LRRC49: variants seen among roughly 807,000 people sequenced by gnomAD.
LRRC49 encodes the protein leucine rich repeat containing 49.
LRRC49 carries 50 observed loss-of-function variants against 83.3 expected under a neutral mutation model. The observed-to-expected ratio is 0.60, with a 90% confidence interval of 0.48 to 0.76. The LOEUF is 0.76. Ranked by LOEUF, LRRC49 falls within the 30% of genes least tolerant of loss-of-function variation. The probability of loss-of-function intolerance (pLI) is 0.00; values close to 1 mark genes in which losing one functional copy is unlikely to be tolerated. For missense variants in LRRC49, 704 were observed against 809.1 expected (o/e 0.87, Z 1.58); for synonymous variants, 286 against 283.3 (o/e 1.01, Z -0.10).
At chr15:70,980,538 A>G (rs1215796820) in intron 10 of LRRC49, among the ~76,000 whole-genome samples, 1 of 149,500 alleles carries the variant, frequency 6.7e-6, no homozygotes, top group Non-Finnish European at 1.5e-5. Flanking sequence ...ATTGACTGTC[A>G]TCTTTACTGA....
intron 8 of LRRC49, among the ~76,000 whole-genome samples, chr15:70,953,894 T>TTTTA (rs1225643632): frequency 2.6e-5 from 4 of 152,048 alleles, no homozygotes; most frequent in Admixed American, 2.6e-4. Context: ...TATTTTTCAT[T>TTTTA]TTTATTTATT....
chr15:70,983,985 G>A, intron 10 of LRRC49, 109 bp from the exon 11 acceptor site: 3 of 763,460 alleles, frequency 3.9e-6, no homozygotes, highest in Non-Finnish European at 6.6e-6. Flanking sequence ...AAAGGAACAG[G>A]CTCCTTTTAA....
At chr15:71,014,603 A>G (rs1294007628) in intron 14 of LRRC49, among the ~76,000 whole-genome samples, 1 of 152,140 alleles carries the variant, frequency 6.6e-6, no homozygotes, top group African/African-American at 2.4e-5. Context: ...TGGGAAATAT[A>G]TAATGAACTA....
intron 13 of LRRC49, among the ~76,000 whole-genome samples, chr15:71,012,437 C>G (rs945931913): frequency 3.3e-5 from 5 of 151,892 alleles, no homozygotes; most frequent in African/African-American, 1.2e-4. Context: ...GAATCTATCC[C>G]ATTGATACTT....
At chr15:70,909,796 G>A (rs778391604) in intron 5 of LRRC49, among the ~76,000 whole-genome samples, 14 of 150,482 alleles carry the variant, frequency 9.3e-5, no homozygotes, top group South Asian at 8.4e-4. Context: ...CTGAGATTGC[G>A]CCACTGCACT....
At chr15:71,018,840 C>T (rs2038907836) in intron 14 of LRRC49, among the ~76,000 whole-genome samples, 1 of 152,172 alleles carries the variant, frequency 6.6e-6, no homozygotes. Context: ...GACTGACCAG[C>T]TAAGAATTGA....
chr15:71,031,117 G>T (rs146651172), intron 14 of LRRC49, among the ~76,000 whole-genome samples: 2 of 152,124 alleles, frequency 1.3e-5, no homozygotes, highest in African/African-American at 4.8e-5. Flanking sequence ...TTTTGAGCTG[G>T]TTTTTCCTCA....
intron 1 of LRRC49, among the ~76,000 whole-genome samples, chr15:70,867,512 C>T (rs1023460503): frequency 5.3e-5 from 8 of 152,008 alleles, no homozygotes; most frequent in Non-Finnish European, 8.8e-5. Context: ...CCCAATGATC[C>T]CAGTGAGGTA....
chr15:70,869,824 C>T (rs996126555), intron 1 of LRRC49, among the ~76,000 whole-genome samples: 1 of 152,138 alleles, frequency 6.6e-6, no homozygotes, highest in African/African-American at 2.4e-5. Flanking sequence ...TTTGCAATTG[C>T]GTCCTAAATT....
intron 3 of LRRC49, among the ~76,000 whole-genome samples, chr15:70,896,436 C>T (rs1008584436): frequency 1.3e-5 from 2 of 152,114 alleles, no homozygotes; most frequent in African/African-American, 4.8e-5. Context: ...CCATCTTCCC[C>T]ATTCTGATTT....
chr15:70,872,502 G>C (rs1302252149), intron 1 of LRRC49, among the ~76,000 whole-genome samples: 1 of 152,158 alleles, frequency 6.6e-6, no homozygotes, highest in Non-Finnish European at 1.5e-5. Context: ...CATTCATATT[G>C]GTGCTAAGAG....
intron 7 of LRRC49, among the ~76,000 whole-genome samples, chr15:70,920,401 C>A (rs2034964148): frequency 6.6e-6 from 1 of 152,168 alleles, no homozygotes; most frequent in African/African-American, 2.4e-5. Context: ...TTCTGTCAAG[C>A]CCTTCCCAGA....
intron 7 of LRRC49, among the ~76,000 whole-genome samples, chr15:70,926,224 G>A (rs1462418782): frequency 2.0e-5 from 3 of 151,990 alleles, no homozygotes; most frequent in Non-Finnish European, 4.4e-5. Context: ...AAGCTGCTGC[G>A]GATATTCTTG....
At chr15:71,001,616 T>G (rs2038258346) in intron 11 of LRRC49, among the ~76,000 whole-genome samples, 1 of 152,196 alleles carries the variant, frequency 6.6e-6, no homozygotes, top group Admixed American at 6.5e-5. Context: ...TGGGTTTATG[T>G]CTTTTTCATT....
rs1188148816 is a variant in LRRC49, at chr15:70,893,071, G to GCTAT, written c.48+129_48+130insCTAT. On this transcript the variant is annotated intron_variant, in intron 1 of 15. Transcript: ENST00000260382. The stretch of plus-strand genomic sequence containing the variant: ...GTCTACTCAAGCTATTGTCTGACCA[G>GCTAT]GGTTTGAGGTTCGTGGGCTGGACCA... The GCTAT allele has an allele frequency of 8.5e-6, 9 of 1,060,508 alleles. No homozygotes were observed. In the African/African-American group the frequency reaches 1.4e-4, roughly 17 times the overall value. The allele number at this position is 1,060,508 out of a possible 1,614,324, so 65.7% of individuals were successfully genotyped here. A position where few individuals can be genotyped will look rare whatever the true frequency, so the allele number is the denominator to read the frequency against.
chr15:71,018,939 C>T (rs558935417), intron 14 of LRRC49, among the ~76,000 whole-genome samples: 8 of 152,014 alleles, frequency 5.3e-5, no homozygotes, highest in South Asian at 4.2e-4. Context: ...TACATTTACC[C>T]GTTTATTATA....
intron 5 of LRRC49, among the ~76,000 whole-genome samples, chr15:70,909,413 T>C (rs2034452765): frequency 6.6e-6 from 1 of 152,094 alleles, no homozygotes; most frequent in African/African-American, 2.4e-5. Flanking sequence ...TATAAAATAA[T>C]GGAATAAAAG....
At chr15:70,865,218 C>T (rs1283653780) in intron 1 of LRRC49, among the ~76,000 whole-genome samples, 1 of 152,072 alleles carries the variant, frequency 6.6e-6, no homozygotes, top group Non-Finnish European at 1.5e-5. Context: ...GCTTCTTTCC[C>T]AAAACTTTGT....
At chr15:70,999,021 T>C (rs1462949087) in intron 11 of LRRC49, among the ~76,000 whole-genome samples, 1 of 152,216 alleles carries the variant, frequency 6.6e-6, no homozygotes, top group Non-Finnish European at 1.5e-5. Flanking sequence ...CCAGAATTTC[T>C]ATTTGATTCC....
Sources: allele counts gnomAD v4.1 joint callset (sites outside exome capture counted in the v4.1 genomes callset), GRCh38; gene constraint gnomAD v4.1.1; transcripts MANE v1.5; gene names NCBI Gene and HGNC (gene_info 2026-07-23, HGNC 2026-07-21).